Variants in HEMK2 observed in about 807,000 individuals in gnomAD.
HEMK2 encodes the protein HemK methyltransferase 2, ETF1 glutamine and histone H4 lysine, also known as methyltransferase HEMK2.
the HEMK2 span, among the ~76,000 whole-genome samples, chr21:28,626,143 G>A: frequency 2.0e-5 from 3 of 151,708 alleles, no homozygotes; most frequent in African/African-American, 7.3e-5. Context: ...AAAAAAAAAA[G>A]CATTAAATGG....
chr21:28,787,313 C>G, the HEMK2 span, among the ~76,000 whole-genome samples: 7 of 152,166 alleles, frequency 4.6e-5, no homozygotes, highest in Non-Finnish European at 8.8e-5. Context: ...GCAAGGATTT[C>G]ATGACCAAGA....
chr21:28,680,272 C>T, the HEMK2 span, among the ~76,000 whole-genome samples: 15 of 152,284 alleles, frequency 9.9e-5, no homozygotes, highest in Admixed American at 6.5e-4. Context: ...ACTAGAAACA[C>T]CTCTACACAA....
the HEMK2 span, among the ~76,000 whole-genome samples, chr21:28,783,089 GA>G: frequency 1.3e-5 from 2 of 152,038 alleles, no homozygotes; most frequent in Admixed American, 1.3e-4. Flanking sequence ...TCAGATTTTG[GA>G]ATATTTGCAT....
At chr21:28,618,431 T>C in the HEMK2 span, among the ~76,000 whole-genome samples, 1 of 152,348 alleles carries the variant, frequency 6.6e-6, no homozygotes, top group East Asian at 1.9e-4. Context: ...ACATAGTTCA[T>C]AGTTTATTTT....
the HEMK2 span, among the ~76,000 whole-genome samples, chr21:28,605,021 C>T: frequency 4.9e-4 from 75 of 152,294 alleles, 1 homozygote; most frequent in Non-Finnish European, 7.2e-4. Context: ...TGTTTTCCTC[C>T]TGATTTTAGG....
chr21:28,872,649 TCTATAAG>T, the HEMK2 span: 1 of 152,236 alleles, frequency 6.6e-6, no homozygotes. Flanking sequence ...TGATCTGTCA[TCTATAAG>T]CTGGAGACCC....
chr21:28,818,790 T>C, the HEMK2 span, among the ~76,000 whole-genome samples: 5 of 152,168 alleles, frequency 3.3e-5, no homozygotes, highest in Non-Finnish European at 5.9e-5. Flanking sequence ...TGCTACCACA[T>C]TGAGGCAAAG....
chr21:28,659,501 T>A, the HEMK2 span, among the ~76,000 whole-genome samples: 1 of 152,054 alleles, frequency 6.6e-6, no homozygotes, highest in South Asian at 2.1e-4. Flanking sequence ...AGAAGCTCAT[T>A]GCCACATTTT....
At chr21:28,721,221 T>A in the HEMK2 span, among the ~76,000 whole-genome samples, 2 of 152,082 alleles carry the variant, frequency 1.3e-5, no homozygotes, top group Non-Finnish European at 2.9e-5. Flanking sequence ...GCTCCATCCA[T>A]CCTCCCACCT....
the HEMK2 span, among the ~76,000 whole-genome samples, chr21:28,848,640 A>T: frequency 2.6e-5 from 4 of 152,142 alleles, no homozygotes; most frequent in Non-Finnish European, 5.9e-5. Flanking sequence ...ATTAGAAACA[A>T]TTCATTTCTT....
chr21:28,726,753 C>T, the HEMK2 span, among the ~76,000 whole-genome samples: 2 of 150,656 alleles, frequency 1.3e-5, no homozygotes, highest in Non-Finnish European at 2.9e-5. Flanking sequence ...ACTAAAAATA[C>T]AAAAATTAGC....
At chr21:28,685,911 GGCTGGGA>G in the HEMK2 span, among the ~76,000 whole-genome samples, 1 of 152,204 alleles carries the variant, frequency 6.6e-6, no homozygotes, top group Non-Finnish European at 1.5e-5. Flanking sequence ...CTCCCACAGA[GGCTGGGA>G]GACAGGGTCC....
the HEMK2 span, among the ~76,000 whole-genome samples, chr21:28,713,638 A>T: frequency 2.6e-5 from 4 of 152,168 alleles, no homozygotes; most frequent in East Asian, 5.8e-4. Flanking sequence ...TTTCTCAGGG[A>T]ACCTTCCCTG....
chr21:28,877,802 A>G, the HEMK2 span, among the ~76,000 whole-genome samples: 1 of 152,198 alleles, frequency 6.6e-6, no homozygotes, highest in African/African-American at 2.4e-5. Context: ...ATAAAAATCT[A>G]TACAATTAAA....
At chr21:28,695,269 A>G in the HEMK2 span, among the ~76,000 whole-genome samples, 1 of 152,026 alleles carries the variant, frequency 6.6e-6, no homozygotes, top group South Asian at 2.1e-4. Flanking sequence ...ACCCCTCCAA[A>G]TCTCATGTTG....
the HEMK2 span, among the ~76,000 whole-genome samples, chr21:28,621,618 T>C: frequency 1.3e-5 from 2 of 152,206 alleles, no homozygotes; most frequent in African/African-American, 4.8e-5. Context: ...GGTGTTGGGA[T>C]AGGCGGTGGA....
chr21:28,737,023 G>C, the HEMK2 span, among the ~76,000 whole-genome samples: 1 of 152,196 alleles, frequency 6.6e-6, no homozygotes, highest in Non-Finnish European at 1.5e-5. Flanking sequence ...AAACTCAGAA[G>C]TTAAAAGAGA....
chr21:28,787,377 C>T, the HEMK2 span, among the ~76,000 whole-genome samples: 1 of 152,166 alleles, frequency 6.6e-6, no homozygotes, highest in Non-Finnish European at 1.5e-5. Context: ...CCTAATTAAA[C>T]TAAAGAGCTT....
chr21:28,709,177 A>G, the HEMK2 span, among the ~76,000 whole-genome samples: 1 of 152,184 alleles, frequency 6.6e-6, no homozygotes, highest in Non-Finnish European at 1.5e-5. Flanking sequence ...TTGTCCTAAT[A>G]CCATCACACT....
Sources: gnomAD v4.1 joint callset for allele counts (sites outside exome capture counted in the v4.1 genomes callset) on GRCh38, gnomAD v4.1.1 for gene constraint, MANE v1.5 for transcripts, NCBI Gene and HGNC (gene_info 2026-07-23, HGNC 2026-07-21) for gene names.